Variants in KCNQ2 observed in about 807,000 individuals in gnomAD.
KCNQ2 encodes potassium voltage-gated channel subfamily KQT member 2.
Under a neutral mutation model 84.8 loss-of-function variants are expected in KCNQ2, and 14 were observed. The observed-to-expected ratio is 0.17, with a 90% confidence interval of 0.11 to 0.26. KCNQ2 has a LOEUF of 0.26. Ranked by LOEUF, KCNQ2 falls within the 10% of genes least tolerant of loss-of-function variation. The pLI is 1.00. For missense variants in KCNQ2, 788 were observed against 1,254.0 expected (o/e 0.63, Z 5.61); for synonymous variants, 599 against 554.1 (o/e 1.08, Z -1.14).
rs748127986 is a variant in KCNQ2 at position 63,414,062 on chromosome 20, G to C, written c.1631+26C>G. The C allele has an allele frequency of 2.5e-6, 4 of 1,576,958 alleles. No individual in the cohort carries two copies. Among genetic ancestry groups the C allele is most frequent in the Non-Finnish European group, 3.5e-6 (4 of 1,147,220 alleles). On this transcript the variant is annotated intron_variant, in intron 14 of 16. Coordinates refer to ENST00000359125, the MANE Select transcript of KCNQ2 (RefSeq NM_172107.4). The surrounding 1 kb of genome is among the most constrained non-coding windows in gnomAD (Gnocchi z 6.6). ...CGGGAGGCCCCTCCTCACTCCCCCA[G>C]GCTCCCGGCTGGGCAGGGGCCTCAC... is the stretch of plus-strand genomic sequence containing the variant.
At chr20:63,423,891 C>T (rs1239037567) in intron 11 of KCNQ2, 4 of 527,764 alleles carry the variant, frequency 7.6e-6, no homozygotes, top group East Asian at 3.4e-5. Flanking sequence ...TGGGGCCAGA[C>T]TTGTGGGCGG....
rs201182013 is a variant in KCNQ2, at chr20:63,435,395, AC to A, written c.1024-1493del. Among the ~76,000 whole-genome samples, 308 of 138,892 alleles carry A rather than the reference AC, an allele frequency of 2.2e-3. 7 individuals carry two copies. Among genetic ancestry groups the A allele is most frequent in the Middle Eastern group, 0.014 (4 of 280 alleles). The allele number at this position is 138,892 out of a possible 152,430, so 91.1% of individuals were successfully genotyped here. ...AGAGCAAGTCCCTATCTCAACAACA[AC>A]AAAAAAAAAAAGTTGGCCATCCTAA... is the stretch of plus-strand genomic sequence containing the variant. On this transcript the variant is annotated intron_variant, in intron 7 of 16. Transcript: ENST00000359125.
chr20:63,431,813 C>A (rs1207880543), intron 8 of KCNQ2, among the ~76,000 whole-genome samples: 1 of 152,136 alleles, frequency 6.6e-6, no homozygotes, highest in Non-Finnish European at 1.5e-5. Flanking sequence ...GGCCCCACCC[C>A]AGCTTAGAAT....
At position 63,439,643 on chromosome 20, in the gene KCNQ2, C is replaced by A; in HGVS notation, c.882G>T (p.Ala294=). The change falls in exon 6 of 17, where the codon GCG becomes GCT. Residue 294 remains alanine (A), a synonymous_variant. Transcript: ENST00000359125. ...YPQTWNGRLL[A]ATFTLIGVSF... is the part of the protein sequence containing the mutation. ...AGACACCGATGAGGGTGAAGGTTGC[C>A]GCAAGGAGCCTGCCGTTCCAGGTCT... The A allele has an allele frequency of 1.9e-6, 3 of 1,613,712 alleles. No homozygotes were observed. The highest frequency in any genetic ancestry group is 2.5e-6 in the Non-Finnish European group (3 of 1,180,008).
At position 63,432,668 on chromosome 20, in the gene KCNQ2, AGAAGGCCCCACCCTCAGG is replaced by A. The variant is rs1408616546; in HGVS notation, c.1118+1123_1118+1140del. Among the ~76,000 whole-genome samples the A allele has an allele frequency of 2.3e-3, 135 of 58,850 alleles. 1 individual carries two copies. Among genetic ancestry groups the A allele is most frequent in the Middle Eastern group, 0.017 (1 of 60 alleles). 38.6% of individuals were successfully genotyped at this position (58,850 alleles called of 152,430 possible). A position where few individuals can be genotyped will look rare whatever the true frequency, so the allele number is the denominator to read the frequency against. The stretch of plus-strand genomic sequence containing the variant: ...CCCTCAGGGAAGGATCCACCCACAG[AGAAGGCCCCACCCTCAGG>A]GAAGGCCCCACCCTCTGGGAAGGCC... On this transcript the variant is annotated intron_variant, in intron 8 of 16. Transcript: ENST00000359125.
At chr20:63,442,867 CATCACCATT>C (rs1232220875) in intron 4 of KCNQ2, among the ~76,000 whole-genome samples, 6 of 96,130 alleles carry the variant, frequency 6.2e-5, no homozygotes, top group Admixed American at 2.1e-4. Context: ...CCACCATCAC[CATCACCATT>C]ATCACCACCA....
intron 11 of KCNQ2, among the ~76,000 whole-genome samples, chr20:63,420,917 G>A (rs936790958): frequency 6.6e-6 from 1 of 152,174 alleles, no homozygotes; most frequent in South Asian, 2.1e-4. Context: ...GAGGCAGGAG[G>A]GAGCCGGCTC....
intron 1 of KCNQ2, among the ~76,000 whole-genome samples, chr20:63,469,880 CG>C (rs1407502335): frequency 6.6e-6 from 1 of 152,212 alleles, no homozygotes; most frequent in Non-Finnish European, 1.5e-5. Flanking sequence ...GGCTGGGCCA[CG>C]GGGACAGCAG....
intron 1 of KCNQ2, 69 bp downstream of exon 1, chr20:63,472,099 G>T (rs527704309): frequency 8.4e-7 from 1 of 1,187,912 alleles, no homozygotes; most frequent in East Asian, 3.0e-5. Flanking sequence ...AGCCTGGCCG[G>T]GGTCGCCGAT....
rs763273315 is a variant in KCNQ2, at chr20:63,407,325, C to T, written c.1938G>A (p.Gln646=). The T allele has an allele frequency of 3.8e-6, 6 of 1,597,296 alleles. No homozygotes were observed. Among genetic ancestry groups the T allele is most frequent in the Non-Finnish European group, 4.2e-6 (5 of 1,178,988 alleles). ...TCTCTGTCGGGGGGATGCCCATCCG[C>T]TGCATGTAGATATTCACCAGGAAGT... ...KLDFLVNIYM[Q]RMGIPPTETE... is the part of the protein sequence containing the mutation. Residue 646 remains glutamine (Q), a synonymous_variant, in exon 17 of 17, where the codon CAG becomes CAA. Transcript: ENST00000359125. This position sits in a 1 kb window ranked among gnomAD's most constrained non-coding sequence, Gnocchi z 7.2.
At position 63,438,475 on chromosome 20, in the gene KCNQ2, T is replaced by C; in HGVS notation, c.1023+150A>G. On this transcript the variant is annotated intron_variant, in intron 7 of 16. Coordinates refer to ENST00000359125, the MANE Select transcript of KCNQ2 (RefSeq NM_172107.4). The surrounding 1 kb of genome is among the most constrained non-coding windows in gnomAD (Gnocchi z 5.1). ...CATTTCTCAACACACACACTTCACA[T>C]CCTCGCTCCTTCCACAGATTCCTGC... 1 of 729,100 alleles carries C rather than the reference T, an allele frequency of 1.4e-6. No individual in the cohort carries two copies. Among genetic ancestry groups the C allele is most frequent in the Non-Finnish European group, 2.4e-6 (1 of 410,610 alleles). The allele number at this position is 729,100 out of a possible 1,614,324, so 45.2% of individuals were successfully genotyped here.
intron 4 of KCNQ2, among the ~76,000 whole-genome samples, chr20:63,443,361 TCAC>T (rs1568937389): frequency 0.02 from 567 of 28,294 alleles, 6 homozygotes; most frequent in African/African-American, 0.059. Context: ...ACCACCACCA[TCAC>T]CATCATCACC....
intron 15 of KCNQ2, 103 bp downstream of exon 15, chr20:63,413,347 C>A: frequency 7.0e-7 from 1 of 1,432,718 alleles, no homozygotes; most frequent in South Asian, 1.2e-5. Flanking sequence ...GAGGAGGCCC[C>A]GCCCACACAC....
chr20:63,423,229 G>A (rs1601601359), intron 11 of KCNQ2, among the ~76,000 whole-genome samples: 2 of 152,274 alleles, frequency 1.3e-5, no homozygotes, highest in African/African-American at 4.8e-5. Context: ...TGGGATGTGG[G>A]GTGGCTGGAA....
At chr20:63,429,191 G>C (rs2080721176) in intron 9 of KCNQ2, among the ~76,000 whole-genome samples, 1 of 139,814 alleles carries the variant, frequency 7.2e-6, no homozygotes, top group Non-Finnish European at 1.6e-5. Context: ...ACCTCACTCT[G>C]CCCACTCCTC....
chr20:63,416,632 T>C (rs2080305739), intron 12 of KCNQ2, among the ~76,000 whole-genome samples: 1 of 151,860 alleles, frequency 6.6e-6, no homozygotes, highest in Non-Finnish European at 1.5e-5. Flanking sequence ...CTGACACACT[T>C]CAGAGAGGAA....
At chr20:63,435,605 G>C (rs2080970701) in intron 7 of KCNQ2, among the ~76,000 whole-genome samples, 1 of 152,356 alleles carries the variant, frequency 6.6e-6, no homozygotes, top group Middle Eastern at 3.4e-3. Flanking sequence ...GTACACGGCG[G>C]CAGGGCTCAC....
intron 8 of KCNQ2, 111 bp from the exon 9 acceptor site, chr20:63,431,480 G>A (rs1297904885): frequency 1.3e-5 from 16 of 1,261,858 alleles, no homozygotes; most frequent in Non-Finnish European, 1.9e-5. Context: ...GGAAACAACA[G>A]AACAAAGAAA....
rs1457875451 is a variant in KCNQ2 at position 63,403,772 on chromosome 20, T to C, written c.*2872A>G. 1 of 152,316 alleles carries C rather than the reference T, an allele frequency of 6.6e-6. No individual in the cohort carries two copies. Among genetic ancestry groups the C allele is most frequent in the Non-Finnish European group, 1.5e-5 (1 of 68,064 alleles). 9.4% of individuals were successfully genotyped at this position (152,316 alleles called of 1,614,324 possible). A position where few individuals can be genotyped will look rare whatever the true frequency, so the allele number is the denominator to read the frequency against. Reference sequence around the variant, plus strand: ...GGACATGTATGTGAGCACGTGTGTGTGCCAGTGGGCACGTAGGGATGTGCA... The same window carrying C: ...GGACATGTATGTGAGCACGTGTGTGCGCCAGTGGGCACGTAGGGATGTGCA... On this transcript the variant is annotated 3_prime_UTR_variant, in exon 17 of 17. Coordinates refer to ENST00000359125, the MANE Select transcript of KCNQ2 (RefSeq NM_172107.4).
Sources: allele counts gnomAD v4.1 joint callset (sites outside exome capture counted in the v4.1 genomes callset), GRCh38; gene constraint gnomAD v4.1.1; non-coding constraint Gnocchi (gnomAD v3.1); transcripts MANE v1.5; gene names NCBI Gene and HGNC (gene_info 2026-07-23, HGNC 2026-07-21).